PDE7A: variants seen among roughly 807,000 people sequenced by gnomAD.
The protein encoded by PDE7A is phosphodiesterase 7A.
A neutral mutation model predicts 64.3 loss-of-function variants in PDE7A; 39 were observed. The ratio of observed to expected loss-of-function variants is 0.61; its 90% confidence interval spans 0.47 to 0.79. The LOEUF (loss-of-function observed/expected upper bound fraction) is 0.79, where lower values mean the gene tolerates loss of function less well. Among genes scored for constraint, PDE7A ranks in the 30% least tolerant of loss-of-function variants. The probability of loss-of-function intolerance (pLI) is 0.00; values close to 1 mark genes in which losing one functional copy is unlikely to be tolerated. For missense variants in PDE7A, 470 were observed against 582.8 expected (o/e 0.81, Z 1.99); for synonymous variants, 203 against 206.8 (o/e 0.98, Z 0.16).
chr8:65,806,156 C>T (rs1430874561), intron 1 of PDE7A, among the ~76,000 whole-genome samples: 1 of 152,158 alleles, frequency 6.6e-6, no homozygotes, highest in East Asian at 1.9e-4. Context: ...GGTTGACTAA[C>T]TGTAAAAGTA....
chr8:65,837,486 T>C (rs1810974676), intron 1 of PDE7A, among the ~76,000 whole-genome samples: 1 of 152,176 alleles, frequency 6.6e-6, no homozygotes, highest in South Asian at 2.1e-4. Flanking sequence ...AAACACAAAG[T>C]TCATTTAGAT....
intron 1 of PDE7A, among the ~76,000 whole-genome samples, chr8:65,815,753 C>T (rs72650504): frequency 3.3e-5 from 5 of 152,154 alleles, no homozygotes; most frequent in East Asian, 3.9e-4. Context: ...CAAAAAAATT[C>T]GTTGATATGG....
intron 3 of PDE7A, among the ~76,000 whole-genome samples, chr8:65,753,295 T>G (rs971933262): frequency 5.3e-5 from 8 of 152,230 alleles, no homozygotes; most frequent in African/African-American, 1.9e-4. Flanking sequence ...AAGGGAGGTC[T>G]TGGGAGAGAG....
At chr8:65,725,307 G>A (rs1040456471) in intron 9 of PDE7A, 2 of 157,260 alleles carry the variant, frequency 1.3e-5, no homozygotes, top group African/African-American at 4.8e-5. Flanking sequence ...ACTTTGGTTT[G>A]CTTTTTAGTG....
At chr8:65,733,469 A>T (rs1393573216) in intron 7 of PDE7A, among the ~76,000 whole-genome samples, 1 of 152,180 alleles carries the variant, frequency 6.6e-6, no homozygotes, top group Non-Finnish European at 1.5e-5. Flanking sequence ...TTAATTTAAA[A>T]ATTGGGGTGG....
At chr8:65,827,960 A>G (rs1373527528) in intron 1 of PDE7A, among the ~76,000 whole-genome samples, 1 of 152,198 alleles carries the variant, frequency 6.6e-6, no homozygotes, top group African/African-American at 2.4e-5. Flanking sequence ...ACACAGGGCT[A>G]TGGCAGTGAA....
chr8:65,730,404 T>C (rs1806831842), intron 7 of PDE7A, among the ~76,000 whole-genome samples: 1 of 151,484 alleles, frequency 6.6e-6, no homozygotes, highest in Non-Finnish European at 1.5e-5. Flanking sequence ...GGTCTCGAAC[T>C]CCCAACCTCA....
At chr8:65,797,113 A>G (rs1809863628) in intron 1 of PDE7A, among the ~76,000 whole-genome samples, 1 of 152,240 alleles carries the variant, frequency 6.6e-6, no homozygotes, top group South Asian at 2.1e-4. Flanking sequence ...TATGGATAAA[A>G]TCAATAGGAT....
rs955546461 is a variant in PDE7A, at chr8:65,840,254, G to A, written c.138+1117C>T. 3.9e-5 allele frequency among the ~76,000 whole-genome samples: 6 copies of A among 152,144 alleles called. 1 individual carries two copies. Among genetic ancestry groups the A allele is most frequent in the Non-Finnish European group, 5.9e-5 (4 of 68,032 alleles). Reference sequence around the variant, plus strand: ...ACCTTGTGCTGTGAAATAAGTTTTAGTTTAAATAAAAAGGATTCAGAGAGA... The same window carrying A: ...ACCTTGTGCTGTGAAATAAGTTTTAATTTAAATAAAAAGGATTCAGAGAGA... On this transcript the variant is annotated intron_variant, in intron 1 of 12. Coordinates refer to ENST00000401827, the MANE Select transcript of PDE7A (RefSeq NM_001242318.3).
chr8:65,727,040 T>C (rs1806641041), intron 8 of PDE7A, 74 bp from the exon 9 acceptor site: 5 of 984,890 alleles, frequency 5.1e-6, no homozygotes, highest in Non-Finnish European at 8.1e-6. Flanking sequence ...ACAATACTGT[T>C]AGCAATATTA....
intron 1 of PDE7A, among the ~76,000 whole-genome samples, chr8:65,822,028 C>T (rs1810553009): frequency 6.6e-6 from 1 of 151,584 alleles, no homozygotes; most frequent in South Asian, 2.1e-4. Context: ...CTCTCTAGTC[C>T]CATACTTTTA....
At chr8:65,790,451 C>A (rs936684794) in intron 1 of PDE7A, among the ~76,000 whole-genome samples, 1 of 152,090 alleles carries the variant, frequency 6.6e-6, no homozygotes, top group African/African-American at 2.4e-5. Context: ...TGACTGCAGT[C>A]CATGACAAGA....
intron 7 of PDE7A, among the ~76,000 whole-genome samples, chr8:65,729,350 T>C (rs917436325): frequency 2.0e-5 from 3 of 149,298 alleles, no homozygotes; most frequent in Non-Finnish European, 3.0e-5. Flanking sequence ...CACAGTGAGT[T>C]TCGTTGGTGG....
intron 1 of PDE7A, among the ~76,000 whole-genome samples, chr8:65,831,889 C>T (rs1021661014): frequency 6.6e-6 from 1 of 152,074 alleles, no homozygotes; most frequent in Non-Finnish European, 1.5e-5. Context: ...CATGTTAATA[C>T]AAGAATATCA....
At chr8:65,764,630 G>C (rs1808676668) in intron 3 of PDE7A, among the ~76,000 whole-genome samples, 1 of 152,190 alleles carries the variant, frequency 6.6e-6, no homozygotes, top group South Asian at 2.1e-4. Context: ...ATCTACCCTT[G>C]TATGGGAGTT....
Position 65,719,534 on chromosome 8 carries a change from T to G in PDE7A, c.1244-39A>C, listed in dbSNP as rs200359177. ...GAGAAAAAGTTATTAACATATATGC[T>G]GAAACTCTATCTTTAAAACATCATC... On this transcript the variant is annotated intron_variant, in intron 12 of 12. Transcript: ENST00000401827. 5 of 1,288,526 alleles carry G rather than the reference T, an allele frequency of 3.9e-6. No individual in the cohort carries two copies. In the East Asian group the frequency reaches 1.2e-4, roughly 30 times the overall value. The allele number at this position is 1,288,526 out of a possible 1,614,324, so 79.8% of individuals were successfully genotyped here. A position where few individuals can be genotyped will look rare whatever the true frequency, so the allele number is the denominator to read the frequency against.
At chr8:65,780,525 T>A (rs73693415) in intron 2 of PDE7A, among the ~76,000 whole-genome samples, 1 of 152,286 alleles carries the variant, frequency 6.6e-6, no homozygotes, top group African/African-American at 2.4e-5. Context: ...AACATAACCA[T>A]AGCAACCATG....
chr8:65,763,124 G>C (rs1808595369), intron 3 of PDE7A, among the ~76,000 whole-genome samples: 1 of 151,864 alleles, frequency 6.6e-6, no homozygotes, highest in African/African-American at 2.4e-5. Context: ...TTAATGTTAT[G>C]TGTACAACCA....
intron 1 of PDE7A, among the ~76,000 whole-genome samples, chr8:65,823,295 C>G (rs1810586490): frequency 6.6e-6 from 1 of 152,056 alleles, no homozygotes; most frequent in East Asian, 1.9e-4. Flanking sequence ...CATTGTGAGA[C>G]AAAGAAAACA....
Sources: allele counts gnomAD v4.1 joint callset (sites outside exome capture counted in the v4.1 genomes callset), GRCh38; gene constraint gnomAD v4.1.1; transcripts MANE v1.5; gene names NCBI Gene and HGNC (gene_info 2026-07-23, HGNC 2026-07-21).